BBX: variants seen among roughly 807,000 people sequenced by gnomAD.
BBX encodes the protein BBX high mobility group box domain containing, also known as HMG box transcription factor BBX.
In BBX, 30 loss-of-function variants were observed where a neutral mutation model predicts 100.2. That is an observed-to-expected ratio of 0.30 (90% CI 0.22 to 0.41). The LOEUF is 0.41. Ranked by LOEUF, BBX falls within the 10% of genes least tolerant of loss-of-function variation. The pLI is 1.00. For synonymous variants in BBX, 376 were observed against 388.1 expected, an observed-to-expected ratio of 0.97 and a Z score of 0.37; for missense variants, 1,023 against 1,129.8, an observed-to-expected ratio of 0.91 and a Z score of 1.35.
chr3:107,604,008 A>C (rs1431138432), intron 2 of BBX, among the ~76,000 whole-genome samples: 1 of 152,142 alleles, frequency 6.6e-6, no homozygotes, highest in African/African-American at 2.4e-5. Context: ...AACCCATAGT[A>C]TCTCCAAGGA....
At chr3:107,541,115 C>T (rs1418315976) in intron 2 of BBX, among the ~76,000 whole-genome samples, 3 of 152,166 alleles carry the variant, frequency 2.0e-5, no homozygotes, top group Non-Finnish European at 1.5e-5. Context: ...TGTGATTTCA[C>T]TGACGTTGCT....
At chr3:107,619,652 GT>G (rs2055589868) in intron 2 of BBX, among the ~76,000 whole-genome samples, 1 of 151,700 alleles carries the variant, frequency 6.6e-6, no homozygotes, top group Non-Finnish European at 1.5e-5. Context: ...AAATATCCAT[GT>G]TTTTCTTCAT....
chr3:107,782,787 C>T (rs894095084), intron 13 of BBX, among the ~76,000 whole-genome samples: 2 of 152,070 alleles, frequency 1.3e-5, no homozygotes, highest in Non-Finnish European at 2.9e-5. Context: ...TGCCCAAAAA[C>T]TTAAGTGGAG....
rs570395482 is a variant in BBX at position 107,759,155 on chromosome 3, C to A, written c.906+3477C>A. ...ACTCCCAACTTTAGCGTTGTAAAGA[C>A]CCCTTTCCCGTTTTCCAGGACCCTG... is the stretch of plus-strand genomic sequence containing the variant. On this transcript the variant is annotated intron_variant, in intron 10 of 17. Transcript: ENST00000325805. Among the ~76,000 whole-genome samples, 8 of 152,274 alleles carry A rather than the reference C, an allele frequency of 5.3e-5. No individual in the cohort carries two copies. The East Asian group carries it at 1.4e-3, about 26-fold the overall frequency.
intron 2 of BBX, among the ~76,000 whole-genome samples, chr3:107,587,200 G>C (rs1220881577): frequency 2.0e-5 from 3 of 151,904 alleles, no homozygotes; most frequent in Admixed American, 2.0e-4. Flanking sequence ...AGCTGTTGTG[G>C]TGGTTCATGC....
chr3:107,774,732 A>G lies in BBX; in HGVS notation c.1929A>G (p.Ser643=), dbSNP rs752667248. The part of the protein sequence containing the change: ...RANVDRGKRS[S]GKGNSSDHEG... Reference sequence around the variant, plus strand: ...GAATTTTCTTAGGAAAACGAAGCTCAGGAAAAGGAAACTCCTCTGATCATG... The same window carrying G: ...GAATTTTCTTAGGAAAACGAAGCTCGGGAAAAGGAAACTCCTCTGATCATG... Residue 643 remains serine (S), a synonymous_variant, in exon 12 of 18, where the codon TCA becomes TCG. Transcript: ENST00000325805. 3 of 1,612,784 alleles carry G rather than the reference A, an allele frequency of 1.9e-6. No individual in the cohort carries two copies. The highest frequency in any genetic ancestry group is 1.7e-6 in the Non-Finnish European group (2 of 1,179,272).
chr3:107,656,050 A>C (rs2107832138), intron 3 of BBX, among the ~76,000 whole-genome samples: 1 of 152,320 alleles, frequency 6.6e-6, no homozygotes, highest in East Asian at 1.9e-4. Flanking sequence ...TAAATATTTA[A>C]AAAATTTAAA....
At chr3:107,525,699 C>T (rs970654921) in intron 1 of BBX, among the ~76,000 whole-genome samples, 1 of 152,184 alleles carries the variant, frequency 6.6e-6, no homozygotes, top group African/African-American at 2.4e-5. Flanking sequence ...TAGCTCCCCC[C>T]ACCCCGACCT....
chr3:107,687,334 C>CTT (rs35093419), intron 3 of BBX, among the ~76,000 whole-genome samples: 79 of 144,888 alleles, frequency 5.5e-4, no homozygotes, highest in Admixed American at 1.2e-3. Flanking sequence ...AGTTAAGTTT[C>CTT]TTTTTTTTTT....
chr3:107,637,706 T>C (rs1010985281), intron 2 of BBX, among the ~76,000 whole-genome samples: 1 of 152,102 alleles, frequency 6.6e-6, no homozygotes. Context: ...AGAAAAGCAA[T>C]GTGAAGACCT....
intron 2 of BBX, among the ~76,000 whole-genome samples, chr3:107,540,573 G>A (rs1450072772): frequency 2.0e-5 from 3 of 152,204 alleles, no homozygotes; most frequent in African/African-American, 7.2e-5. Flanking sequence ...TATGTCATAT[G>A]TAGATAATGA....
intron 3 of BBX, among the ~76,000 whole-genome samples, chr3:107,668,367 G>A (rs2058854361): frequency 1.3e-5 from 2 of 152,106 alleles, no homozygotes. Context: ...GAACTTAGAG[G>A]ATTCTTGGCT....
At chr3:107,682,017 A>C (rs1038602349) in intron 3 of BBX, among the ~76,000 whole-genome samples, 3 of 152,168 alleles carry the variant, frequency 2.0e-5, no homozygotes, top group South Asian at 2.1e-4. Flanking sequence ...AACGTGCTTC[A>C]TAACAGTGCA....
At chr3:107,602,082 G>T (rs529467332) in intron 2 of BBX, among the ~76,000 whole-genome samples, 1 of 152,264 alleles carries the variant, frequency 6.6e-6, no homozygotes, top group Admixed American at 6.5e-5. Flanking sequence ...TTTACAGCAG[G>T]GTTTATTGAA....
intron 5 of BBX, 43 bp from the exon 6 acceptor site, chr3:107,728,722 C>T: frequency 1.3e-6 from 2 of 1,541,740 alleles, no homozygotes; most frequent in African/African-American, 1.4e-5. Flanking sequence ...CTTTTTCAAT[C>T]TATTTGTTAA....
At chr3:107,688,216 C>G (rs1483379908) in intron 3 of BBX, among the ~76,000 whole-genome samples, 1 of 152,234 alleles carries the variant, frequency 6.6e-6, no homozygotes, top group Non-Finnish European at 1.5e-5. Flanking sequence ...TCTTCTAGGT[C>G]AATCCTGAGG....
intron 2 of BBX, among the ~76,000 whole-genome samples, chr3:107,584,506 T>C (rs1039597127): frequency 1.3e-5 from 2 of 150,804 alleles, no homozygotes; most frequent in African/African-American, 4.9e-5. Flanking sequence ...GTAATGATGG[T>C]AATTATTACC....
intron 3 of BBX, among the ~76,000 whole-genome samples, chr3:107,649,566 A>T (rs185902707): frequency 1.3e-5 from 2 of 152,332 alleles, no homozygotes; most frequent in East Asian, 3.9e-4. Flanking sequence ...TTTGAAAAAG[A>T]AAGATGTGAT....
At chr3:107,675,159 A>T (rs1197684606) in intron 3 of BBX, among the ~76,000 whole-genome samples, 1 of 152,122 alleles carries the variant, frequency 6.6e-6, no homozygotes, top group Non-Finnish European at 1.5e-5. Context: ...AAAGTTTCAG[A>T]CCCTGGAGAC....
Sources: gnomAD v4.1 joint callset for allele counts (sites outside exome capture counted in the v4.1 genomes callset) on GRCh38, gnomAD v4.1.1 for gene constraint, MANE v1.5 for transcripts, NCBI Gene and HGNC (gene_info 2026-07-23, HGNC 2026-07-21) for gene names.